The following NOS1AP variants were observed in gnomAD, a reference collection of about 807,000 sequenced individuals.
NOS1AP encodes the protein nitric oxide synthase 1 adaptor protein.
A neutral mutation model predicts 56.2 loss-of-function variants in NOS1AP; 21 were observed. The ratio of observed to expected loss-of-function variants is 0.37; its 90% CI spans 0.26 to 0.54. NOS1AP has a LOEUF of 0.54. Among genes scored for constraint, NOS1AP ranks in the 20% least tolerant of loss-of-function variants. NOS1AP has a pLI of 0.84. For missense variants in NOS1AP, 522 were observed against 657.8 expected, an observed-to-expected ratio of 0.79 and a Z score of 2.26; for synonymous variants, 270 against 274.6, an observed-to-expected ratio of 0.98 and a Z score of 0.17.
intron 1 of NOS1AP, among the ~76,000 whole-genome samples, chr1:162,145,848 G>C (rs1649440650): frequency 1.3e-5 from 2 of 152,196 alleles, no homozygotes; most frequent in African/African-American, 4.8e-5. Flanking sequence ...CGGGATATGA[G>C]GAGGTAGACA....
chr1:162,265,323 A>G (rs1654386896), intron 2 of NOS1AP, among the ~76,000 whole-genome samples: 1 of 150,540 alleles, frequency 6.6e-6, no homozygotes, highest in Non-Finnish European at 1.5e-5. Context: ...GGTGTGCTGC[A>G]CCCATTAACT....
At position 162,081,774 on chromosome 1, in the gene NOS1AP, A is replaced by ATATATATATTTTTTTTTTTTTTT; in HGVS notation, c.105+11493_105+11494insATATATATTTTTTTTTTTTTTTT. 8.7e-3 allele frequency among the ~76,000 whole-genome samples: 383 copies of ATATATATATTTTTTTTTTTTTTT among 43,906 alleles called. 12 individuals are homozygous for ATATATATATTTTTTTTTTTTTTT. Among genetic ancestry groups the ATATATATATTTTTTTTTTTTTTT allele is most frequent in the Non-Finnish European group, 0.014 (308 of 21,494 alleles). The allele number at this position is 43,906 out of a possible 152,430, so 28.8% of individuals were successfully genotyped here. ...TCTATAGATATATATATATATATATATTTTTTTTTTGTAGAGATGGGTTTT... is the reference window on the plus strand; with the variant it reads ...TCTATAGATATATATATATATATATATATATATATTTTTTTTTTTTTTTTTTTTTTTTTGTAGAGATGGGTTTT... On this transcript the variant is annotated intron_variant, in intron 1 of 9. Transcript: ENST00000361897.
intron 2 of NOS1AP, among the ~76,000 whole-genome samples, chr1:162,177,544 T>A (rs1296284376): frequency 6.6e-6 from 1 of 152,208 alleles, no homozygotes; most frequent in African/African-American, 2.4e-5. Context: ...TTTCCCACAC[T>A]TCAGTTTGCG....
At chr1:162,275,744 T>G (rs1338997960) in intron 2 of NOS1AP, among the ~76,000 whole-genome samples, 1 of 152,258 alleles carries the variant, frequency 6.6e-6, no homozygotes, top group Admixed American at 6.5e-5. Context: ...CACCTTGCTC[T>G]GCTTTGGATC....
At chr1:162,284,436 C>T (rs139646471) in intron 2 of NOS1AP, among the ~76,000 whole-genome samples, 132 of 152,254 alleles carry the variant, frequency 8.7e-4, no homozygotes, top group African/African-American at 2.8e-3. Flanking sequence ...TTCTGGCAGC[C>T]GTGATGGAAC....
chr1:162,147,970 G>A (rs1183799984), intron 1 of NOS1AP, among the ~76,000 whole-genome samples: 1 of 152,148 alleles, frequency 6.6e-6, no homozygotes, highest in Non-Finnish European at 1.5e-5. Context: ...TCTTACAGAA[G>A]GCTAGGTGAT....
intron 4 of NOS1AP, among the ~76,000 whole-genome samples, chr1:162,312,672 G>A (rs1331182910): frequency 4.0e-5 from 6 of 151,484 alleles, no homozygotes; most frequent in Non-Finnish European, 8.8e-5. Context: ...CCTATGTCCT[G>A]AATGGTAATG....
intron 2 of NOS1AP, among the ~76,000 whole-genome samples, chr1:162,278,711 G>A: frequency 7.2e-6 from 1 of 138,942 alleles, no homozygotes; most frequent in Non-Finnish European, 1.6e-5. Context: ...GTGTGTGTGT[G>A]TAGATATGAA....
rs1256872075 is a variant in NOS1AP at position 162,188,548 on chromosome 1, G to A, written c.177+34072G>A. ...AGCCTACAACTCGACTCTGGCAAATGTTGAAAGTGCCTAAATTTTTTCAAC... is the reference window on the plus strand; with the variant it reads ...AGCCTACAACTCGACTCTGGCAAATATTGAAAGTGCCTAAATTTTTTCAAC... On this transcript the variant is annotated intron_variant, in intron 2 of 9. Coordinates refer to ENST00000361897, the MANE Select transcript of NOS1AP (RefSeq NM_014697.3). The surrounding 1 kb of genome is among the most constrained non-coding windows in gnomAD (Gnocchi z 4.0). 2.0e-5 allele frequency among the ~76,000 whole-genome samples: 3 copies of A among 152,188 alleles called. No individual in the cohort carries two copies. Among genetic ancestry groups the A allele is most frequent in the African/African-American group, 7.2e-5 (3 of 41,444 alleles).
At chr1:162,250,099 G>C (rs1387043706) in intron 2 of NOS1AP, among the ~76,000 whole-genome samples, 1 of 152,188 alleles carries the variant, frequency 6.6e-6, no homozygotes, top group Non-Finnish European at 1.5e-5. Flanking sequence ...CCTAGACCAG[G>C]TAGCCAAGGA....
chr1:162,126,867 C>T (rs1648511384), intron 1 of NOS1AP, among the ~76,000 whole-genome samples: 1 of 152,094 alleles, frequency 6.6e-6, no homozygotes, highest in African/African-American at 2.4e-5. Flanking sequence ...CTATGTATTG[C>T]CAAACTTCTC....
At chr1:162,333,165 A>C in intron 5 of NOS1AP, 40 bp downstream of exon 5, 1 of 1,407,404 alleles carries the variant, frequency 7.1e-7, no homozygotes, top group Non-Finnish European at 1.0e-6. Context: ...TTTTCCTCTA[A>C]TGGTTCCAAA....
intron 2 of NOS1AP, among the ~76,000 whole-genome samples, chr1:162,240,223 T>C (rs1366112729): frequency 6.6e-6 from 1 of 151,368 alleles, no homozygotes; most frequent in Non-Finnish European, 1.5e-5. Context: ...TCAAGTCCCA[T>C]TCCTGCTGCA....
chr1:162,366,527 T>C (rs527940867), intron 9 of NOS1AP, among the ~76,000 whole-genome samples: 1 of 152,128 alleles, frequency 6.6e-6, no homozygotes, highest in Admixed American at 6.5e-5. Flanking sequence ...TAAAAATGCG[T>C]CTTTCCTACT....
chr1:162,232,689 G>T (rs983854659), intron 2 of NOS1AP, among the ~76,000 whole-genome samples: 3 of 152,056 alleles, frequency 2.0e-5, no homozygotes, highest in Non-Finnish European at 4.4e-5. Flanking sequence ...GCTTACCAAG[G>T]GTGAAAGTAC....
chr1:162,159,732 A>G (rs1332310079), intron 2 of NOS1AP, among the ~76,000 whole-genome samples: 1 of 152,224 alleles, frequency 6.6e-6, no homozygotes, highest in Admixed American at 6.5e-5. Context: ...AGTGACTGAG[A>G]AAGTTAATCT....
At chr1:162,127,264 T>C (rs369480739) in intron 1 of NOS1AP, among the ~76,000 whole-genome samples, 1 of 152,202 alleles carries the variant, frequency 6.6e-6, no homozygotes, top group East Asian at 1.9e-4. Flanking sequence ...CAACCACATA[T>C]AACTTTTTGT....
At chr1:162,072,354 G>A (rs1691678233) in intron 1 of NOS1AP, among the ~76,000 whole-genome samples, 1 of 152,088 alleles carries the variant, frequency 6.6e-6, no homozygotes, top group African/African-American at 2.4e-5. Context: ...CTTGAGGGTT[G>A]CCTCCAATTT....
Position 162,170,391 on chromosome 1 carries a change from C to T in NOS1AP, c.177+15915C>T, listed in dbSNP as rs186041863. Among the ~76,000 whole-genome samples, 8 of 152,292 alleles carry T rather than the reference C, an allele frequency of 5.3e-5. No individual in the cohort carries two copies. In the East Asian group the frequency reaches 9.7e-4, roughly 18 times the overall value. ...GCTGAGTAACTTGTCTAAGGCTACC[C>T]AGGTAGCAAGCAGCAGAGCTGGGGG... On this transcript the variant is annotated intron_variant, in intron 2 of 9. Transcript: ENST00000361897.
Sources: allele counts gnomAD v4.1 joint callset (sites outside exome capture counted in the v4.1 genomes callset), GRCh38; gene constraint gnomAD v4.1.1; non-coding constraint Gnocchi (gnomAD v3.1); transcripts MANE v1.5; gene names NCBI Gene and HGNC (gene_info 2026-07-23, HGNC 2026-07-21).